The following STARD13 variants were observed in gnomAD, a reference collection of about 807,000 sequenced individuals.
STARD13 encodes the protein StAR related lipid transfer domain containing 13, also known as stAR-related lipid transfer protein 13.
A neutral mutation model predicts 106.4 loss-of-function variants in STARD13; 62 were observed. That is an observed-to-expected ratio of 0.58 (90% CI 0.48 to 0.72). STARD13 has a LOEUF of 0.72. STARD13 is among the 30% of genes least tolerant of loss of function. The pLI, the probability that STARD13 is intolerant of heterozygous loss-of-function variation, is 0.00. For synonymous variants in STARD13, 565 were observed against 553.0 expected (o/e 1.02, Z -0.31); for missense variants, 1,387 against 1,424.0 (o/e 0.97, Z 0.42).
At chr13:33,419,717 G>A in the STARD13 span, among the ~76,000 whole-genome samples, 1 of 152,314 alleles carries the variant, frequency 6.6e-6, no homozygotes, top group African/African-American at 2.4e-5. Flanking sequence ...GAAAGGTCGG[G>A]TTACCCCCAA....
the STARD13 span, among the ~76,000 whole-genome samples, chr13:33,522,731 A>G: frequency 1.3e-5 from 2 of 152,192 alleles, no homozygotes; most frequent in Admixed American, 6.5e-5. Flanking sequence ...GTAGTGACAG[A>G]CAGCATGGAG....
downstream of STARD13, among the ~76,000 whole-genome samples, chr13:33,345,219 C>A (rs539714992): frequency 6.6e-6 from 1 of 152,296 alleles, no homozygotes; most frequent in African/African-American, 2.4e-5. Context: ...TTGTTTGTTT[C>A]AAATCCCTAT....
intron 1 of STARD13, among the ~76,000 whole-genome samples, chr13:33,249,105 A>T (rs1388888122): frequency 6.6e-6 from 1 of 152,186 alleles, no homozygotes; most frequent in Non-Finnish European, 1.5e-5. Context: ...ATGACATTGA[A>T]ATGACTGCTA....
intron 1 of STARD13, among the ~76,000 whole-genome samples, chr13:33,310,486 C>T (rs1453496463): frequency 6.6e-6 from 1 of 152,034 alleles, no homozygotes; most frequent in Non-Finnish European, 1.5e-5. Flanking sequence ...GTTAATAAAA[C>T]ACTGCCAACT....
At chr13:33,145,113 CA>C (rs1880353567) in intron 3 of STARD13, among the ~76,000 whole-genome samples, 1 of 152,154 alleles carries the variant, frequency 6.6e-6, no homozygotes, top group Non-Finnish European at 1.5e-5. Context: ...TTGGAAAAAG[CA>C]GTTGCAAAAC....
chr13:33,243,704 C>T lies in STARD13; in HGVS notation c.169+41766G>A, dbSNP rs922957207. On this transcript the variant is annotated intron_variant, in intron 1 of 13. Transcript: ENST00000336934. ...GATGGGTGGGCAAAAACAGGGTCCC[C>T]GGGCCCTTACTGTTTCTCACAACAT... Among the ~76,000 whole-genome samples, 8 of 152,098 alleles carry T rather than the reference C, an allele frequency of 5.3e-5. No homozygotes were observed. The East Asian group carries it at 5.8e-4, about 11-fold the overall frequency.
chr13:33,268,145 A>G (rs1296541631), intron 1 of STARD13, among the ~76,000 whole-genome samples: 1 of 152,230 alleles, frequency 6.6e-6, no homozygotes, highest in Non-Finnish European at 1.5e-5. Context: ...TTAGGACAAA[A>G]CATATTATCT....
chr13:33,219,825 AAGAAAG>A (rs1343151528), intron 1 of STARD13, among the ~76,000 whole-genome samples: 3 of 132,214 alleles, frequency 2.3e-5, no homozygotes, highest in African/African-American at 8.4e-5. Context: ...AAAAAAAAAA[AAGAAAG>A]AAAGAAAGAA....
chr13:33,393,163 C>A, the STARD13 span, among the ~76,000 whole-genome samples: 2 of 152,176 alleles, frequency 1.3e-5, no homozygotes, highest in Non-Finnish European at 2.9e-5. Flanking sequence ...TTTGCCAATG[C>A]TTACACAAGC....
chr13:33,382,192 G>C, the STARD13 span, among the ~76,000 whole-genome samples: 1 of 152,216 alleles, frequency 6.6e-6, no homozygotes, highest in Admixed American at 6.5e-5. Context: ...GTAACTTCAG[G>C]TCACTTGCCC....
chr13:33,160,944 A>C (rs760539170), intron 3 of STARD13, among the ~76,000 whole-genome samples: 1 of 152,220 alleles, frequency 6.6e-6, no homozygotes, highest in Non-Finnish European at 1.5e-5. Context: ...GAAAACTTAA[A>C]TGCTCATACA....
intron 1 of STARD13, among the ~76,000 whole-genome samples, chr13:33,234,080 G>A (rs544499464): frequency 6.6e-6 from 1 of 152,336 alleles, no homozygotes; most frequent in East Asian, 1.9e-4. Flanking sequence ...GTGTACATAT[G>A]TGGCTTATAG....
chr13:33,149,688 C>G (rs116352003), intron 3 of STARD13, among the ~76,000 whole-genome samples: 1,684 of 152,272 alleles, frequency 0.011, 31 homozygotes, highest in African/African-American at 0.038. Flanking sequence ...TTAGCTTACA[C>G]AAGGTAAAAT....
At chr13:33,146,764 A>C (rs1880601352) in intron 3 of STARD13, among the ~76,000 whole-genome samples, 2 of 152,242 alleles carry the variant, frequency 1.3e-5, no homozygotes, top group African/African-American at 4.8e-5. Flanking sequence ...CAACAAACTA[A>C]GTAACACTAA....
intron 1 of STARD13, among the ~76,000 whole-genome samples, chr13:33,231,212 A>T (rs1380454691): frequency 6.6e-6 from 1 of 152,150 alleles, no homozygotes; most frequent in African/African-American, 2.4e-5. Flanking sequence ...AGTGGAGATG[A>T]GGGGCTGGTC....
At chr13:33,209,045 G>A (rs1318508338) in intron 1 of STARD13, among the ~76,000 whole-genome samples, 1 of 152,188 alleles carries the variant, frequency 6.6e-6, no homozygotes, top group Non-Finnish European at 1.5e-5. Context: ...TAGTGGTCAG[G>A]AAGTATGCCT....
chr13:33,532,049 T>C, the STARD13 span, among the ~76,000 whole-genome samples: 1 of 152,168 alleles, frequency 6.6e-6, no homozygotes, highest in Non-Finnish European at 1.5e-5. Flanking sequence ...CTTCATTTAG[T>C]CTTAGTTCTC....
chr13:33,455,789 C>G, the STARD13 span, among the ~76,000 whole-genome samples: 2 of 151,776 alleles, frequency 1.3e-5, no homozygotes, highest in African/African-American at 4.8e-5. Flanking sequence ...ACAACAACAA[C>G]AAAAATTAGC....
the STARD13 span, among the ~76,000 whole-genome samples, chr13:33,605,097 G>A: frequency 5.3e-5 from 8 of 151,826 alleles, no homozygotes; most frequent in African/African-American, 1.7e-4. Context: ...AAATTAGCTG[G>A]GTGTGGTGGT....
Sources: gnomAD v4.1 joint callset for allele counts (sites outside exome capture counted in the v4.1 genomes callset) on GRCh38, gnomAD v4.1.1 for gene constraint, MANE v1.5 for transcripts, NCBI Gene and HGNC (gene_info 2026-07-23, HGNC 2026-07-21) for gene names.